EHMT1: variants seen among roughly 807,000 people sequenced by gnomAD.
EHMT1 encodes the protein histone-lysine N-methyltransferase EHMT1.
In EHMT1, 15 loss-of-function variants were observed where a neutral mutation model predicts 147.2. The ratio of observed to expected loss-of-function variants is 0.10; its 90% CI spans 0.07 to 0.16. EHMT1 has a LOEUF of 0.16. Among genes scored for constraint, EHMT1 ranks in the 10% least tolerant of loss-of-function variants. The pLI is 1.00. For synonymous variants in EHMT1, 795 were observed against 709.6 expected, an observed-to-expected ratio of 1.12 and a Z score of -1.91; for missense variants, 1,587 against 1,772.4, an observed-to-expected ratio of 0.90 and a Z score of 1.88.
chr9:137,726,230 T>TC lies in EHMT1; in HGVS notation c.643-2118dup, dbSNP rs1946614801. On this transcript the variant is annotated intron_variant, in intron 3 of 26. Coordinates refer to ENST00000460843, the MANE Select transcript of EHMT1 (RefSeq NM_024757.5). ...GCCACCCTCCGTCTCTGGAACCTCT[T>TC]CATCTTCCCACACTGAAGCTCTGTC... 2.0e-5 allele frequency among the ~76,000 whole-genome samples: 3 copies of TC among 152,336 alleles called. No individual in the cohort carries two copies. The South Asian group carries it at 6.2e-4, about 32-fold the overall frequency.
chr9:137,781,953 T>C (rs1407372132), intron 14 of EHMT1, among the ~76,000 whole-genome samples: 1 of 152,190 alleles, frequency 6.6e-6, no homozygotes, highest in Non-Finnish European at 1.5e-5. Flanking sequence ...AGGGTGTGTC[T>C]GCCCTGGTCA....
At chr9:137,626,955 TTTTTGTTTTTG>T (rs1298566484) in intron 1 of EHMT1, among the ~76,000 whole-genome samples, 4 of 151,850 alleles carry the variant, frequency 2.6e-5, no homozygotes, top group African/African-American at 9.7e-5. Context: ...GTTAATTTTG[TTTTTGTTTTTG>T]TTTTGTTTTG....
chr9:137,692,419 C>A (rs753060002), intron 1 of EHMT1, among the ~76,000 whole-genome samples: 2 of 151,842 alleles, frequency 1.3e-5, no homozygotes, highest in Admixed American at 6.6e-5. Flanking sequence ...CGTGCACCAC[C>A]GCGCCGGGCT....
rs144323841 is a variant in EHMT1, at chr9:137,716,930, G to A, written c.390G>A (p.Pro130=). Residue 130 remains proline, a synonymous_variant, in exon 3 of 27, where the codon CCG becomes CCA. Coordinates refer to ENST00000460843, the MANE Select transcript of EHMT1 (RefSeq NM_024757.5). ...GCAACGGATACATCTTAAATAAGCC[G>A]GCCCTACAGGCACAGCCCTTGAGGA... ...IGSNGYILNK[P]ALQAQPLRTT... 8.9e-5 allele frequency: 144 copies of A among 1,612,916 alleles called. 2 individuals are homozygous for A. In the South Asian group the frequency reaches 1.4e-3, roughly 16 times the overall value.
chr9:137,725,240 A>T (rs1946510315), intron 3 of EHMT1, among the ~76,000 whole-genome samples: 1 of 142,580 alleles, frequency 7.0e-6, no homozygotes, highest in South Asian at 2.4e-4. Context: ...CGTGGGGCAG[A>T]TGTGGGGCAG....
At chr9:137,631,066 T>C (rs887049417) in intron 1 of EHMT1, among the ~76,000 whole-genome samples, 4 of 152,074 alleles carry the variant, frequency 2.6e-5, no homozygotes, top group Admixed American at 2.6e-4. Context: ...TTTTTGAGCA[T>C]ATAGGACAGT....
rs985813673 is a variant in EHMT1 at position 137,786,315 on chromosome 9, G to A, written c.2382+3918G>A. The A allele has an allele frequency of 3.3e-5, 5 of 152,220 alleles. No homozygotes were observed. The highest frequency in any genetic ancestry group is 2.6e-4 in the Admixed American group (4 of 15,282). 9.4% of individuals were successfully genotyped at this position (152,220 alleles called of 1,614,324 possible). The stretch of plus-strand genomic sequence containing the variant: ...AGAACTTACTGTTGCTGGTCTTAGA[G>A]GGATTTCTATTTTTTCTTCCCCTTA... On this transcript the variant is annotated intron_variant, in intron 15 of 26. Transcript: ENST00000460843. This position sits in a 1 kb window ranked among gnomAD's most constrained non-coding sequence, Gnocchi z 4.3.
Position 137,709,834 on chromosome 9 carries a change from C to T in EHMT1, c.22-1133C>T, listed in dbSNP as rs546796337. Among the ~76,000 whole-genome samples the T allele has an allele frequency of 2.0e-5, 3 of 152,214 alleles. No individual in the cohort carries two copies. The South Asian group carries it at 6.2e-4, about 32-fold the overall frequency. On this transcript the variant is annotated intron_variant, in intron 1 of 26. Transcript: ENST00000460843. ...CCTCCCTCAGTTGTTCCTATTTTAT[C>T]ACTCTGACCCGGAGGCTTCCTGCCC...
intron 1 of EHMT1, among the ~76,000 whole-genome samples, chr9:137,674,434 G>A (rs1298973739): frequency 2.0e-5 from 3 of 152,182 alleles, no homozygotes; most frequent in Non-Finnish European, 4.4e-5. Flanking sequence ...ACACTCTGCA[G>A]GCTGACGGAG....
chr9:137,774,277 G>A (rs756684964), intron 10 of EHMT1, among the ~76,000 whole-genome samples: 1 of 152,268 alleles, frequency 6.6e-6, no homozygotes, highest in Non-Finnish European at 1.5e-5. Flanking sequence ...CCGGCCCTCT[G>A]GTAGGCGCAT....
At chr9:137,769,487 A>T (rs1950457982) in intron 10 of EHMT1, among the ~76,000 whole-genome samples, 1 of 152,210 alleles carries the variant, frequency 6.6e-6, no homozygotes, top group Admixed American at 6.5e-5. Flanking sequence ...TTTTTCAAAG[A>T]TACTTACTTC....
intron 4 of EHMT1, 110 bp from the exon 5 acceptor site, chr9:137,743,261 T>C (rs1334580046): frequency 7.1e-7 from 1 of 1,404,664 alleles, no homozygotes; most frequent in Non-Finnish European, 9.6e-7. Flanking sequence ...TGGGGTTTGC[T>C]GGTGATTTTG....
chr9:137,750,771 G>C (rs1223742185), intron 6 of EHMT1, among the ~76,000 whole-genome samples: 1 of 152,212 alleles, frequency 6.6e-6, no homozygotes, highest in Non-Finnish European at 1.5e-5. Context: ...GAGGGGGCGC[G>C]GCTGCCGGAG....
chr9:137,796,191 C>T (rs1240152652), intron 16 of EHMT1, among the ~76,000 whole-genome samples: 6 of 152,318 alleles, frequency 3.9e-5, no homozygotes, highest in African/African-American at 1.2e-4. Context: ...AGGCAAATTA[C>T]GAAGCCTGGA....
In EHMT1 at chr9:137,702,025, C is replaced by T. The variant is rs1054609107; in HGVS notation, c.22-8942C>T. Among the ~76,000 whole-genome samples the T allele has an allele frequency of 6.6e-5, 10 of 151,984 alleles. No individual in the cohort carries two copies. In the East Asian group the frequency reaches 7.7e-4, roughly 12 times the overall value. On this transcript the variant is annotated intron_variant, in intron 1 of 26. Coordinates refer to ENST00000460843, the MANE Select transcript of EHMT1 (RefSeq NM_024757.5). The stretch of plus-strand genomic sequence containing the variant: ...GCCAGGCTCGTCTCGAACTTCTGAC[C>T]TCAGGTGATCTACTCGCCTCAGCCT...
intron 1 of EHMT1, among the ~76,000 whole-genome samples, chr9:137,696,690 G>T (rs1483764375): frequency 1.3e-5 from 2 of 152,194 alleles, no homozygotes; most frequent in African/African-American, 4.8e-5. Flanking sequence ...AGTTTAAAGA[G>T]ACCGCACAAG....
Position 137,816,017 on chromosome 9 carries a change from C to G in EHMT1, c.3329C>G (p.Ser1110Cys). The G allele has an allele frequency of 6.2e-7, 1 of 1,613,230 alleles. No individual in the cohort carries two copies. The highest frequency in any genetic ancestry group is 1.1e-5 in the South Asian group (1 of 90,818). Residue 1110 changes from serine to cysteine, a missense_variant, in exon 23 of 27, where the codon TCC becomes TGC. By Grantham distance (112) the Ser-to-Cys change is moderately radical. Coordinates refer to ENST00000460843, the MANE Select transcript of EHMT1 (RefSeq NM_024757.5). ...ATCTTCGAATGCAACCACGCGTGCT[C>G]CTGCTGGAGGAACTGCCGAAATCGC... ...PLIFECNHAC[S>C]CWRNCRNRVV...
chr9:137,719,312 T>A (rs985814398), intron 3 of EHMT1, among the ~76,000 whole-genome samples: 1 of 152,162 alleles, frequency 6.6e-6, no homozygotes, highest in African/African-American at 2.4e-5. Context: ...CTGTGGCCTG[T>A]CTGCAGTGAC....
At chr9:137,710,599 GT>G (rs1269654834) in intron 1 of EHMT1, among the ~76,000 whole-genome samples, 2 of 152,182 alleles carry the variant, frequency 1.3e-5, no homozygotes, top group African/African-American at 4.8e-5. Flanking sequence ...TTTGTAGGAG[GT>G]TGGACATTTG....
Sources: gnomAD v4.1 joint callset for allele counts (sites outside exome capture counted in the v4.1 genomes callset) on GRCh38, gnomAD v4.1.1 for gene constraint, Gnocchi (gnomAD v3.1) non-coding constraint, MANE v1.5 for transcripts, NCBI Gene and HGNC (gene_info 2026-07-23, HGNC 2026-07-21) for gene names.